SNTG1: variants seen among roughly 807,000 people sequenced by gnomAD.
The protein encoded by SNTG1 is syntrophin gamma 1.
Under a neutral mutation model 74.7 loss-of-function variants are expected in SNTG1, and 39 were observed. The observed-to-expected ratio is 0.52, with a 90% CI of 0.40 to 0.68. SNTG1 has a LOEUF of 0.68. SNTG1 is among the 30% of genes least tolerant of loss of function. The probability of loss-of-function intolerance (pLI) is 0.00; values close to 1 mark genes in which losing one functional copy is unlikely to be tolerated. For missense variants in SNTG1, 685 were observed against 609.5 expected (o/e 1.12, Z -1.30); for synonymous variants, 254 against 217.1 (o/e 1.17, Z -1.49).
chr8:49,981,984 A>T (rs1468664058), intron 1 of SNTG1, among the ~76,000 whole-genome samples: 2 of 152,028 alleles, frequency 1.3e-5, no homozygotes, highest in Non-Finnish European at 2.9e-5. Context: ...GGTCCTTCTT[A>T]AAAAAATAAC....
intron 17 of SNTG1, among the ~76,000 whole-genome samples, chr8:50,729,702 G>A (rs905204415): frequency 6.6e-6 from 1 of 152,146 alleles, no homozygotes; most frequent in Non-Finnish European, 1.5e-5. Context: ...GTACACTCAG[G>A]ACACACCTGT....
At chr8:50,533,725 A>T (rs1324118098) in intron 10 of SNTG1, among the ~76,000 whole-genome samples, 1 of 152,172 alleles carries the variant, frequency 6.6e-6, no homozygotes, top group Non-Finnish European at 1.5e-5. Context: ...AAATAACTGA[A>T]GTGGGACTTA....
intron 12 of SNTG1, among the ~76,000 whole-genome samples, chr8:50,558,899 T>C (rs1244012453): frequency 1.3e-5 from 2 of 152,240 alleles, no homozygotes; most frequent in Non-Finnish European, 2.9e-5. Context: ...TTTTTATTTA[T>C]TCAACAAATA....
intron 3 of SNTG1, among the ~76,000 whole-genome samples, chr8:50,399,963 A>C (rs2092780569): frequency 6.6e-6 from 1 of 152,228 alleles, no homozygotes; most frequent in Non-Finnish European, 1.5e-5. Flanking sequence ...TTCCTAAAAA[A>C]GACATCATAC....
At chr8:50,364,327 T>C (rs2092046431) in intron 2 of SNTG1, among the ~76,000 whole-genome samples, 1 of 152,164 alleles carries the variant, frequency 6.6e-6, no homozygotes, top group African/African-American at 2.4e-5. Flanking sequence ...TTCACCTTTA[T>C]CACTCTTATC....
chr8:50,520,410 G>A (rs2094169775), intron 9 of SNTG1, among the ~76,000 whole-genome samples: 1 of 152,126 alleles, frequency 6.6e-6, no homozygotes, highest in South Asian at 2.1e-4. Flanking sequence ...AACACTAAAA[G>A]CAATGGCAAC....
chr8:50,294,161 A>G (rs16914661), intron 2 of SNTG1, among the ~76,000 whole-genome samples: 10,517 of 152,252 alleles, frequency 0.069, 839 homozygotes, highest in African/African-American at 0.18. Context: ...AGAATAAAAA[A>G]GTTAAGATAA....
intron 1 of SNTG1, among the ~76,000 whole-genome samples, chr8:50,043,270 A>C (rs1818797124): frequency 6.6e-6 from 1 of 152,226 alleles, no homozygotes; most frequent in Non-Finnish European, 1.5e-5. Context: ...TTATAAGTAA[A>C]GCAAATGATT....
chr8:50,490,487 C>T (rs2093841615), intron 8 of SNTG1, among the ~76,000 whole-genome samples: 1 of 152,142 alleles, frequency 6.6e-6, no homozygotes, highest in South Asian at 2.1e-4. Flanking sequence ...CTTCACCTCC[C>T]TTGTAAGTTG....
In SNTG1 at chr8:49,920,874, T is replaced by G. The variant is rs149764702; in HGVS notation, c.-103+8643T>G. On this transcript the variant is annotated intron_variant, in intron 1 of 18. Transcript: ENST00000642720. ...AAACTAAATGACTAGATGTTAGTGA[T>G]GCCGCTATCAAATAAAACAAGAATC... 2.1e-3 allele frequency among the ~76,000 whole-genome samples: 324 copies of G among 152,224 alleles called. 4 individuals are homozygous for G. The highest frequency in any genetic ancestry group is 7.2e-3 in the African/African-American group (300 of 41,568).
At chr8:50,196,896 C>A (rs1228569029) in intron 2 of SNTG1, among the ~76,000 whole-genome samples, 1 of 151,822 alleles carries the variant, frequency 6.6e-6, no homozygotes, top group East Asian at 1.9e-4. Context: ...GCAGGAAAAT[C>A]ACTTGAACCT....
chr8:50,433,016 C>T (rs929620890), intron 4 of SNTG1, among the ~76,000 whole-genome samples: 1 of 152,108 alleles, frequency 6.6e-6, no homozygotes, highest in Admixed American at 6.5e-5. Flanking sequence ...TCTCGAACTC[C>T]TGACCTCCAG....
intron 8 of SNTG1, among the ~76,000 whole-genome samples, chr8:50,454,314 G>C (rs1419725894): frequency 6.6e-6 from 1 of 151,462 alleles, no homozygotes; most frequent in Non-Finnish European, 1.5e-5. Context: ...GACCAACATG[G>C]TGAAATCCCA....
intron 18 of SNTG1, among the ~76,000 whole-genome samples, chr8:50,756,538 T>C (rs1028856310): frequency 2.6e-5 from 4 of 151,834 alleles, no homozygotes; most frequent in African/African-American, 7.2e-5. Flanking sequence ...ATTTACTCCA[T>C]TGTATTTTTT....
intron 15 of SNTG1, among the ~76,000 whole-genome samples, chr8:50,677,906 A>T (rs537260884): frequency 6.6e-6 from 1 of 151,930 alleles, no homozygotes; most frequent in Non-Finnish European, 1.5e-5. Flanking sequence ...TATTTTATTA[A>T]CAATAATAAT....
At chr8:50,709,270 T>C in intron 17 of SNTG1, 1 of 383,206 alleles carries the variant, frequency 2.6e-6, no homozygotes, top group Non-Finnish European at 4.6e-6. Flanking sequence ...GATATGACTT[T>C]ATAATTGAAG....
rs939571264 is a variant in SNTG1 at position 50,102,678 on chromosome 8, T to A, written c.-102-69883T>A. ...GTAATGCCTAGGTTTTTTTCTAGGGTTTTTATGGTTTTAGGTCTAACGTTT... is the reference window on the plus strand; with the variant it reads ...GTAATGCCTAGGTTTTTTTCTAGGGATTTTATGGTTTTAGGTCTAACGTTT... On this transcript the variant is annotated intron_variant, in intron 1 of 18. Transcript: ENST00000642720. 4.7e-4 allele frequency among the ~76,000 whole-genome samples: 70 copies of A among 150,516 alleles called. 1 individual carries two copies. The highest frequency in any genetic ancestry group is 1.6e-3 in the African/African-American group (66 of 40,012).
chr8:50,009,518 C>G (rs183712957), intron 1 of SNTG1, among the ~76,000 whole-genome samples: 368 of 152,110 alleles, frequency 2.4e-3, no homozygotes, highest in Non-Finnish European at 4.6e-3. Flanking sequence ...TTTTGTGGTG[C>G]CGTTTAGTTT....
intron 1 of SNTG1, among the ~76,000 whole-genome samples, chr8:50,024,192 G>C (rs1461225114): frequency 1.3e-5 from 2 of 152,094 alleles, no homozygotes; most frequent in African/African-American, 4.8e-5. Context: ...ACTATTAAGA[G>C]AAACCTTATC....
Sources: gnomAD v4.1 joint callset for allele counts (sites outside exome capture counted in the v4.1 genomes callset) on GRCh38, gnomAD v4.1.1 for gene constraint, MANE v1.5 for transcripts, NCBI Gene and HGNC (gene_info 2026-07-23, HGNC 2026-07-21) for gene names.